Variants in PCDHGB1 observed in about 807,000 individuals in gnomAD.
The protein encoded by PCDHGB1 is protocadherin gamma-B1.
PCDHGB1 carries 34 observed loss-of-function variants against 56.6 expected under a neutral mutation model. That is an observed-to-expected ratio of 0.60 (90% CI 0.46 to 0.80). The LOEUF is 0.80. Among genes scored for constraint, PCDHGB1 ranks in the 30% least tolerant of loss-of-function variants. PCDHGB1 has a pLI of 0.00. For synonymous variants in PCDHGB1, 561 were observed against 505.9 expected (o/e 1.11, Z -1.46); for missense variants, 1,278 against 1,204.6 (o/e 1.06, Z -0.90).
chr5:141,413,806 A>C, intron 1 of PCDHGB1: 1 of 1,613,168 alleles, frequency 6.2e-7, no homozygotes. Flanking sequence ...GGAAGAGGCC[A>C]TTCACCACCT....
intron 1 of PCDHGB1, chr5:141,374,039 G>T (rs187674758): frequency 5.9e-5 from 86 of 1,456,944 alleles, no homozygotes; most frequent in Middle Eastern, 2.5e-4. Context: ...ATGCAGATCT[G>T]TTCTTCCTCT....
chr5:141,355,399 G>A, intron 1 of PCDHGB1: 5 of 1,614,086 alleles, frequency 3.1e-6, no homozygotes, highest in Non-Finnish European at 4.2e-6. Flanking sequence ...AGTCCGCATC[G>A]TCTCCAGAGG....
In PCDHGB1 at chr5:141,405,021, C is replaced by T. The variant is rs188043964; in HGVS notation, c.2409+52352C>T. The T allele has an allele frequency of 2.9e-5, 46 of 1,613,980 alleles. No homozygotes were observed. Among genetic ancestry groups the T allele is most frequent in the Non-Finnish European group, 3.7e-5 (44 of 1,179,862 alleles). On this transcript the variant is annotated intron_variant, in intron 1 of 3. Coordinates refer to ENST00000523390, the MANE Select transcript of PCDHGB1 (RefSeq NM_018922.3). ...GCAGACCTGGAGGCCTCAGACCTTA[C>T]CCTCTACCTCGTTGTGGCTGTGGCA...
chr5:141,364,778 A>T, intron 1 of PCDHGB1: 2 of 1,614,006 alleles, frequency 1.2e-6, no homozygotes, highest in Non-Finnish European at 1.7e-6. Context: ...GGCTGCAGGG[A>T]CACGGTTAGT....
At chr5:141,422,002 G>A (rs754599902) in intron 1 of PCDHGB1, 41 of 1,609,306 alleles carry the variant, frequency 2.5e-5, no homozygotes, top group Non-Finnish European at 3.1e-5. Flanking sequence ...CATCAGCTCC[G>A]GAACTCGGGT....
At chr5:141,403,075 G>A (rs1188549930) in intron 1 of PCDHGB1, 5 of 1,613,968 alleles carry the variant, frequency 3.1e-6, no homozygotes, top group Non-Finnish European at 4.2e-6. Flanking sequence ...AGACAGAAAA[G>A]GGCTATATTG....
chr5:141,509,873 G>C (rs2099878704), intron 3 of PCDHGB1, among the ~76,000 whole-genome samples: 1 of 152,196 alleles, frequency 6.6e-6, no homozygotes, highest in South Asian at 2.1e-4. Flanking sequence ...CAAGCTGCTG[G>C]TGGTGATGGT....
At chr5:141,408,342 TG>T in intron 1 of PCDHGB1, 1 of 1,613,856 alleles carries the variant, frequency 6.2e-7, no homozygotes, top group Non-Finnish European at 8.5e-7. Context: ...GGCTCGGTGG[TG>T]GGGAACCTCG....
At chr5:141,439,432 A>C (rs537630916) in intron 1 of PCDHGB1, among the ~76,000 whole-genome samples, 1 of 152,326 alleles carries the variant, frequency 6.6e-6, no homozygotes, top group African/African-American at 2.4e-5. Flanking sequence ...AATTCCCAGG[A>C]ATATTTTATT....
chr5:141,436,921 C>T lies in PCDHGB1; in HGVS notation c.2410-57886C>T, dbSNP rs73794904. Among the ~76,000 whole-genome samples the T allele has an allele frequency of 9.3e-3, 1,413 of 152,246 alleles. 25 individuals carry two copies. The highest frequency in any genetic ancestry group is 0.032 in the African/African-American group (1,313 of 41,572). On this transcript the variant is annotated intron_variant, in intron 1 of 3. Coordinates refer to ENST00000523390, the MANE Select transcript of PCDHGB1 (RefSeq NM_018922.3). ...ATATGAGACAATTTTGTGAGTGTTA[C>T]TTTTTCTTTGTCTGAACCATAGTGA...
At chr5:141,361,527 C>A (rs780371360) in intron 1 of PCDHGB1, 1 of 1,614,060 alleles carries the variant, frequency 6.2e-7, no homozygotes, top group Admixed American at 1.7e-5. Context: ...TGGCAGAGAA[C>A]AATCCTCCTG....
At chr5:141,482,513 A>C (rs552094845) in intron 1 of PCDHGB1, among the ~76,000 whole-genome samples, 1 of 143,798 alleles carries the variant, frequency 7.0e-6, no homozygotes, top group East Asian at 2.1e-4. Flanking sequence ...CCCAGAGTAC[A>C]GTATGAGACA....
chr5:141,364,815 TG>T (rs777714340), intron 1 of PCDHGB1: 64 of 1,613,880 alleles, frequency 4.0e-5, no homozygotes, highest in Non-Finnish European at 2.5e-6. Flanking sequence ...GATGCGGATG[TG>T]GGTGTGAACT....
At chr5:141,456,364 G>A (rs778916049) in intron 1 of PCDHGB1, among the ~76,000 whole-genome samples, 2 of 152,258 alleles carry the variant, frequency 1.3e-5, no homozygotes, top group Admixed American at 6.5e-5. Flanking sequence ...TCCATGTGTG[G>A]TTCAGTTTAC....
chr5:141,371,018 C>G, intron 1 of PCDHGB1: 1 of 1,613,994 alleles, frequency 6.2e-7, no homozygotes, highest in Non-Finnish European at 8.5e-7. Flanking sequence ...AGCCACATCA[C>G]CACCTGGTCC....
At chr5:141,412,300 A>T (rs1422841541) in intron 1 of PCDHGB1, 2 of 152,248 alleles carry the variant, frequency 1.3e-5, no homozygotes, top group Non-Finnish European at 2.9e-5. Context: ...TTCTTTTCTC[A>T]TTACAATGCA....
At position 141,486,027 on chromosome 5, in the gene PCDHGB1, C is replaced by A. The variant is rs2099623152; in HGVS notation, c.2410-8780C>A. 2 of 1,614,048 alleles carry A rather than the reference C, an allele frequency of 1.2e-6. No individual in the cohort carries two copies. Among genetic ancestry groups the A allele is most frequent in the African/African-American group, 2.7e-5 (2 of 74,912 alleles). On this transcript the variant is annotated intron_variant, in intron 1 of 3. Coordinates refer to ENST00000523390, the MANE Select transcript of PCDHGB1 (RefSeq NM_018922.3). The surrounding 1 kb of genome is among the most constrained non-coding windows in gnomAD (Gnocchi z 5.0). ...GTCACCTTTTATTTCAGTGGTCATA[C>A]CCCTGATCGTGTAAGAAACCTCTTT...
chr5:141,364,416 G>A, intron 1 of PCDHGB1: 2 of 1,613,312 alleles, frequency 1.2e-6, no homozygotes, highest in Non-Finnish European at 1.7e-6. Context: ...CCAGGATCCG[G>A]GCAGATCCGC....
chr5:141,463,965 C>T (rs1207852177), intron 1 of PCDHGB1, among the ~76,000 whole-genome samples: 1 of 151,648 alleles, frequency 6.6e-6, no homozygotes, highest in African/African-American at 2.4e-5. Context: ...AAAATAGCTT[C>T]ATAAAACTCC....
Sources: gnomAD v4.1 joint callset for allele counts (sites outside exome capture counted in the v4.1 genomes callset) on GRCh38, gnomAD v4.1.1 for gene constraint, Gnocchi (gnomAD v3.1) non-coding constraint, MANE v1.5 for transcripts, NCBI Gene and HGNC (gene_info 2026-07-23, HGNC 2026-07-21) for gene names.